SYNDIG1: variants seen among roughly 807,000 people sequenced by gnomAD.
The protein encoded by SYNDIG1 is synapse differentiation inducing 1, also known as synapse differentiation-inducing gene protein 1.
SYNDIG1 carries 9 observed loss-of-function variants against 19.4 expected under a neutral mutation model. That is an observed-to-expected ratio of 0.46 (90% CI 0.28 to 0.81). SYNDIG1 has a LOEUF of 0.81. Among genes scored for constraint, SYNDIG1 ranks in the 30% least tolerant of loss-of-function variants. The pLI is 0.12. For synonymous variants in SYNDIG1, 141 were observed against 145.9 expected, an observed-to-expected ratio of 0.97 and a Z score of 0.24; for missense variants, 311 against 343.3, an observed-to-expected ratio of 0.91 and a Z score of 0.74.
At chr20:24,589,834 A>C (rs2058478016) in intron 3 of SYNDIG1, among the ~76,000 whole-genome samples, 1 of 152,220 alleles carries the variant, frequency 6.6e-6, no homozygotes, top group African/African-American at 2.4e-5. Flanking sequence ...CTAGGGGAAA[A>C]AAGAGAATCT....
intron 1 of SYNDIG1, among the ~76,000 whole-genome samples, chr20:24,476,986 C>T (rs2055646583): frequency 6.6e-6 from 1 of 151,918 alleles, no homozygotes; most frequent in Non-Finnish European, 1.5e-5. Flanking sequence ...AGCTGTAAAT[C>T]GGAGCCCTAG....
At chr20:24,614,267 T>C (rs951190098) in intron 3 of SYNDIG1, among the ~76,000 whole-genome samples, 9 of 152,178 alleles carry the variant, frequency 5.9e-5, no homozygotes, top group Non-Finnish European at 1.0e-4. Flanking sequence ...GCCTCCCAAA[T>C]TGCTGGGATT....
chr20:24,589,458 C>A (rs1426330659), intron 3 of SYNDIG1, among the ~76,000 whole-genome samples: 6 of 152,190 alleles, frequency 3.9e-5, no homozygotes, highest in African/African-American at 1.4e-4. Flanking sequence ...TTCACCATCC[C>A]CCCACCCTGC....
At chr20:24,555,385 A>C (rs1358279886) in intron 2 of SYNDIG1, among the ~76,000 whole-genome samples, 1 of 151,910 alleles carries the variant, frequency 6.6e-6, no homozygotes, top group Non-Finnish European at 1.5e-5. Context: ...TAGTTCTTTT[A>C]ATTGTGACGT....
At chr20:24,558,851 T>G (rs908904239) in intron 2 of SYNDIG1, among the ~76,000 whole-genome samples, 13 of 152,230 alleles carry the variant, frequency 8.5e-5, no homozygotes, top group Admixed American at 7.9e-4. Context: ...CTGTCATGTA[T>G]GTATTTCACA....
intron 1 of SYNDIG1, chr20:24,502,424 A>G (rs2056477589): frequency 6.6e-6 from 1 of 152,180 alleles, no homozygotes; most frequent in African/African-American, 2.4e-5. Flanking sequence ...CTGCCTGTGC[A>G]TCAGTGCTGC....
At chr20:24,493,859 C>T (rs187208858) in intron 1 of SYNDIG1, among the ~76,000 whole-genome samples, 93 of 152,202 alleles carry the variant, frequency 6.1e-4, no homozygotes, top group Non-Finnish European at 1.3e-3. Context: ...GAGCACTGAG[C>T]CCCCCGGCTG....
At position 24,658,006 on chromosome 20, in the gene SYNDIG1, G is replaced by C. The variant is rs2059546168; in HGVS notation, c.619-7340G>C. Among the ~76,000 whole-genome samples the C allele has an allele frequency of 1.3e-5, 2 of 152,156 alleles. No homozygotes were observed. Among genetic ancestry groups the C allele is most frequent in the African/African-American group, 4.8e-5 (2 of 41,430 alleles). ...CTCGGGAGGCAGGTGTCTGGCGAGG[G>C]CATAACTGCTGAGGACCCCCAGCTG... On this transcript the variant is annotated intron_variant, in intron 3 of 3. Transcript: ENST00000376862. This position sits in a 1 kb window ranked among gnomAD's most constrained non-coding sequence, Gnocchi z 4.4.
intron 1 of SYNDIG1, among the ~76,000 whole-genome samples, chr20:24,480,535 A>C (rs2055767721): frequency 6.6e-6 from 1 of 152,232 alleles, no homozygotes; most frequent in Admixed American, 6.5e-5. Flanking sequence ...GAACTGTGAG[A>C]GGACGTAGTT....
At chr20:24,561,110 A>G (rs2057937016) in intron 2 of SYNDIG1, among the ~76,000 whole-genome samples, 1 of 151,970 alleles carries the variant, frequency 6.6e-6, no homozygotes, top group South Asian at 2.1e-4. Context: ...TTGGGCTCAA[A>G]TACCTCAAGC....
chr20:24,549,505 A>G (rs2057661452), intron 2 of SYNDIG1, among the ~76,000 whole-genome samples: 1 of 152,138 alleles, frequency 6.6e-6, no homozygotes. Context: ...TTGCTGCTCA[A>G]ACCCCTTGCA....
At chr20:24,617,003 G>T (rs1331716325) in intron 3 of SYNDIG1, among the ~76,000 whole-genome samples, 1 of 152,114 alleles carries the variant, frequency 6.6e-6, no homozygotes, top group Non-Finnish European at 1.5e-5. Flanking sequence ...GCTTCTGGAG[G>T]TATCTGCCCG....
chr20:24,527,762 G>A (rs533131466), intron 1 of SYNDIG1, among the ~76,000 whole-genome samples: 2 of 152,266 alleles, frequency 1.3e-5, no homozygotes, highest in African/African-American at 4.8e-5. Context: ...GTGGTCCCTG[G>A]ATCAGCTGCA....
chr20:24,480,453 C>CA (rs1016372541), intron 1 of SYNDIG1, among the ~76,000 whole-genome samples: 1 of 152,022 alleles, frequency 6.6e-6, no homozygotes, highest in Non-Finnish European at 1.5e-5. Flanking sequence ...TGGCTACTGT[C>CA]AAAAAAATCA....
At chr20:24,497,195 TTTTG>T (rs749146366) in intron 1 of SYNDIG1, among the ~76,000 whole-genome samples, 100 of 152,238 alleles carry the variant, frequency 6.6e-4, no homozygotes, top group South Asian at 2.7e-3. Flanking sequence ...TTTATGTGTT[TTTTG>T]TTTGTTTGTT....
intron 3 of SYNDIG1, among the ~76,000 whole-genome samples, chr20:24,663,514 G>C (rs1011563371): frequency 6.6e-6 from 1 of 152,196 alleles, no homozygotes; most frequent in Non-Finnish European, 1.5e-5. Flanking sequence ...GCCCCAGTTA[G>C]AGAAGTATCG....
At chr20:24,526,124 T>G (rs2146582115) in intron 1 of SYNDIG1, among the ~76,000 whole-genome samples, 1 of 152,298 alleles carries the variant, frequency 6.6e-6, no homozygotes, top group South Asian at 2.1e-4. Flanking sequence ...TTTAGGTCTA[T>G]CTCTTATAAA....
chr20:24,558,297 C>T (rs1344520684), intron 2 of SYNDIG1, among the ~76,000 whole-genome samples: 1 of 152,204 alleles, frequency 6.6e-6, no homozygotes, highest in East Asian at 1.9e-4. Flanking sequence ...GGTTCAGTTT[C>T]ATGTCCCTCT....
intron 3 of SYNDIG1, among the ~76,000 whole-genome samples, chr20:24,627,276 T>G (rs144548444): frequency 4.6e-5 from 7 of 152,278 alleles, no homozygotes; most frequent in African/African-American, 9.6e-5. Flanking sequence ...GACCAGTCCC[T>G]TGAAAATACA....
Sources: allele counts gnomAD v4.1 joint callset (sites outside exome capture counted in the v4.1 genomes callset), GRCh38; gene constraint gnomAD v4.1.1; non-coding constraint Gnocchi (gnomAD v3.1); transcripts MANE v1.5; gene names NCBI Gene and HGNC (gene_info 2026-07-23, HGNC 2026-07-21).